Variants in ZCCHC2 observed in about 807,000 individuals in gnomAD.
ZCCHC2 encodes zinc finger CCHC domain-containing protein 2.
In ZCCHC2, 39 loss-of-function variants were observed where a neutral mutation model predicts 103.6. The ratio of observed to expected loss-of-function variants is 0.38; its 90% CI spans 0.29 to 0.49. ZCCHC2 has a LOEUF of 0.49. Among genes scored for constraint, ZCCHC2 ranks in the 20% least tolerant of loss-of-function variants. The pLI is 0.96. For synonymous variants in ZCCHC2, 687 were observed against 608.9 expected, an observed-to-expected ratio of 1.13 and a Z score of -1.89; for missense variants, 1,483 against 1,491.0, an observed-to-expected ratio of 0.99 and a Z score of 0.09.
At chr18:62,535,277 A>G (rs992075840) in intron 1 of ZCCHC2, among the ~76,000 whole-genome samples, 4 of 152,230 alleles carry the variant, frequency 2.6e-5, no homozygotes, top group African/African-American at 9.6e-5. Context: ...GCCCAGGGAT[A>G]TAGCAATTTC....
At chr18:62,545,124 A>G (rs1285647921) in intron 4 of ZCCHC2, among the ~76,000 whole-genome samples, 2 of 152,130 alleles carry the variant, frequency 1.3e-5, no homozygotes, top group Admixed American at 6.5e-5. Context: ...GGTGGTGTGC[A>G]CCTGTGATCC....
chr18:62,534,631 T>A (rs9965948), intron 1 of ZCCHC2, among the ~76,000 whole-genome samples: 39 of 151,996 alleles, frequency 2.6e-4, no homozygotes, highest in African/African-American at 9.2e-4. Context: ...TTTATGTTTC[T>A]TGTTAGAAAT....
intron 7 of ZCCHC2, among the ~76,000 whole-genome samples, chr18:62,559,056 A>G (rs1365956211): frequency 6.6e-6 from 1 of 152,268 alleles, no homozygotes; most frequent in African/African-American, 2.4e-5. Flanking sequence ...TACATCATGC[A>G]GAAGACATTC....
intron 8 of ZCCHC2, among the ~76,000 whole-genome samples, chr18:62,561,982 C>T (rs927786579): frequency 5.3e-5 from 8 of 151,902 alleles, no homozygotes; most frequent in African/African-American, 1.9e-4. Context: ...TCACCATGTC[C>T]CGTGGTTTTT....
chr18:62,545,995 A>G (rs1341781651), intron 4 of ZCCHC2, among the ~76,000 whole-genome samples: 1 of 152,248 alleles, frequency 6.6e-6, no homozygotes, highest in Non-Finnish European at 1.5e-5. Flanking sequence ...AGTAGCACCC[A>G]GGGATGACTT....
At chr18:62,565,393 AG>A (rs1182264176) in intron 11 of ZCCHC2, among the ~76,000 whole-genome samples, 1 of 152,150 alleles carries the variant, frequency 6.6e-6, no homozygotes, top group Non-Finnish European at 1.5e-5. Flanking sequence ...CCAACTCAGG[AG>A]ACAGGTCCCA....
Position 62,570,249 on chromosome 18 carries a change from G to A in ZCCHC2, c.1975+18G>A, listed in dbSNP as rs373183763. 3.1e-6 allele frequency: 5 copies of A among 1,609,214 alleles called. No individual in the cohort carries two copies. Among genetic ancestry groups the A allele is most frequent in the Middle Eastern group, 1.6e-4 (1 of 6,082 alleles). On this transcript the variant is annotated intron_variant, in intron 12 of 13. Coordinates refer to ENST00000269499, the MANE Select transcript of ZCCHC2 (RefSeq NM_017742.6). ...AGACAGAGGTTTGCTCTTTGAAGTG[G>A]GAGTATTGTTGGCATGGCAGGGGTG...
intron 1 of ZCCHC2, among the ~76,000 whole-genome samples, chr18:62,533,409 C>T (rs538372312): frequency 6.6e-6 from 1 of 151,302 alleles, no homozygotes; most frequent in South Asian, 2.1e-4. Flanking sequence ...CCTGTAATCC[C>T]AGTTACTCCT....
intron 5 of ZCCHC2, among the ~76,000 whole-genome samples, chr18:62,555,644 A>G (rs1425562772): frequency 6.6e-6 from 1 of 152,164 alleles, no homozygotes; most frequent in African/African-American, 2.4e-5. Flanking sequence ...CCCCGTCTCT[A>G]CTAAAAATAC....
chr18:62,573,297 C>A (rs905402389), intron 12 of ZCCHC2, among the ~76,000 whole-genome samples: 7 of 152,012 alleles, frequency 4.6e-5, no homozygotes, highest in African/African-American at 1.7e-4. Context: ...TATCCTTGTC[C>A]CCTTTATACC....
rs73963455 is a variant in ZCCHC2 at position 62,572,800 on chromosome 18, C to T, written c.1976-1257C>T. On this transcript the variant is annotated intron_variant, in intron 12 of 13. Coordinates refer to ENST00000269499, the MANE Select transcript of ZCCHC2 (RefSeq NM_017742.6). Reference sequence around the variant, plus strand: ...TCTTCCAAAATGTTTCTGCTTCTTTCAGACTTAACATTTTTATCTTTGACT... The same window carrying T: ...TCTTCCAAAATGTTTCTGCTTCTTTTAGACTTAACATTTTTATCTTTGACT... 4.8e-3 allele frequency among the ~76,000 whole-genome samples: 728 copies of T among 152,300 alleles called. 10 individuals carry two copies. The highest frequency in any genetic ancestry group is 0.017 in the African/African-American group (699 of 41,562).
At chr18:62,549,206 G>C (rs576219318) in intron 4 of ZCCHC2, among the ~76,000 whole-genome samples, 1 of 151,634 alleles carries the variant, frequency 6.6e-6, no homozygotes, top group East Asian at 1.9e-4. Context: ...GCAACAGAGC[G>C]AGACTCCGTC....
intron 1 of ZCCHC2, chr18:62,539,386 C>A: frequency 3.8e-6 from 1 of 262,282 alleles, no homozygotes; most frequent in Non-Finnish European, 7.4e-6. Context: ...TAAAGGGCAC[C>A]ATTTGTTATG....
chr18:62,548,767 C>CA (rs912797777), intron 4 of ZCCHC2, among the ~76,000 whole-genome samples: 1 of 151,348 alleles, frequency 6.6e-6, no homozygotes, highest in East Asian at 1.9e-4. Flanking sequence ...ACTGAAAATA[C>CA]AAAAAAAATT....
intron 7 of ZCCHC2, among the ~76,000 whole-genome samples, chr18:62,559,185 G>C (rs184976902): frequency 6.6e-6 from 1 of 152,278 alleles, no homozygotes; most frequent in East Asian, 1.9e-4. Context: ...TAATAAATTA[G>C]AGCTTCTCTG....
chr18:62,548,792 G>A (rs944323993), intron 4 of ZCCHC2, among the ~76,000 whole-genome samples: 5 of 152,114 alleles, frequency 3.3e-5, no homozygotes, highest in African/African-American at 9.7e-5. Flanking sequence ...AGGGGTGGTG[G>A]TACACGTCTG....
At chr18:62,586,046 C>G (rs1310703777) in exon 15 of ZCCHC2, 3 of 151,630 alleles carry the variant, frequency 2.0e-5, no homozygotes, top group African/African-American at 7.3e-5. Flanking sequence ...GGCGGGACTC[C>G]CGGGCAGGCT....
At chr18:62,568,319 A>G (rs1598962076) in intron 11 of ZCCHC2, among the ~76,000 whole-genome samples, 1 of 152,176 alleles carries the variant, frequency 6.6e-6, no homozygotes, top group African/African-American at 2.4e-5. Flanking sequence ...TAAAAGGGCA[A>G]TTTGTGGAGT....
chr18:62,574,042 G>A lies in ZCCHC2; in HGVS notation c.1976-15G>A, dbSNP rs938965754. ...TATGCCCGTGTTAATATCTCTTTAT[G>A]TTTGTTTTCTTTAGACACAGACAGC... On this transcript the variant is annotated splice_polypyrimidine_tract_variant and intron_variant, in intron 12 of 13. Coordinates refer to ENST00000269499, the MANE Select transcript of ZCCHC2 (RefSeq NM_017742.6). 2.0e-5 allele frequency: 32 copies of A among 1,605,738 alleles called. No individual in the cohort carries two copies. The highest frequency in any genetic ancestry group is 2.6e-5 in the Non-Finnish European group (30 of 1,175,484).
Sources: gnomAD v4.1 joint callset for allele counts (sites outside exome capture counted in the v4.1 genomes callset) on GRCh38, gnomAD v4.1.1 for gene constraint, MANE v1.5 for transcripts, NCBI Gene and HGNC (gene_info 2026-07-23, HGNC 2026-07-21) for gene names.